TRAPPC9: variants seen among roughly 807,000 people sequenced by gnomAD.
TRAPPC9 encodes the protein IKK2 binding protein.
TRAPPC9 carries 83 observed loss-of-function variants against 124.0 expected under a neutral mutation model. The observed-to-expected ratio is 0.67, with a 90% confidence interval of 0.56 to 0.80. The LOEUF is 0.80. Ranked by LOEUF, TRAPPC9 falls within the 30% of genes least tolerant of loss-of-function variation. The probability of loss-of-function intolerance (pLI) is 0.00; values close to 1 mark genes in which losing one functional copy is unlikely to be tolerated. For synonymous variants in TRAPPC9, 638 were observed against 617.5 expected (o/e 1.03, Z -0.49); for missense variants, 1,302 against 1,508.3 (o/e 0.86, Z 2.27).
intron 5 of TRAPPC9, among the ~76,000 whole-genome samples, chr8:140,415,112 A>G (rs2319830): frequency 0.59 from 90,116 of 151,962 alleles, 27,061 homozygotes; most frequent in Middle Eastern, 0.7. Context: ...TTGGGAGGCG[A>G]AAGCAGGAGG....
chr8:139,941,157 G>A (rs1414828678), intron 19 of TRAPPC9, among the ~76,000 whole-genome samples: 5 of 152,230 alleles, frequency 3.3e-5, no homozygotes, highest in East Asian at 3.8e-4. Flanking sequence ...GGGCAGGCAC[G>A]ATTGGCTAGT....
At chr8:140,249,761 G>A (rs143518576) in intron 16 of TRAPPC9, among the ~76,000 whole-genome samples, 3,588 of 151,738 alleles carry the variant, frequency 0.024, 135 homozygotes, top group African/African-American at 0.081. Flanking sequence ...CCGCCACCAC[G>A]CCCGGCTAAT....
chr8:139,797,766 T>C (rs1823204214), intron 21 of TRAPPC9, among the ~76,000 whole-genome samples: 1 of 152,252 alleles, frequency 6.6e-6, no homozygotes, highest in Non-Finnish European at 1.5e-5. Flanking sequence ...ATTCTTTCTC[T>C]ATTGAACTGT....
In TRAPPC9 at chr8:140,257,902, T is replaced by C. The variant is rs1325514473; in HGVS notation, c.2279-4973A>G. Among the ~76,000 whole-genome samples the C allele has an allele frequency of 6.6e-6, 1 of 152,174 alleles. No individual in the cohort carries two copies. The highest frequency in any genetic ancestry group is 2.4e-5 in the African/African-American group (1 of 41,426). On this transcript the variant is annotated intron_variant, in intron 15 of 22. Transcript: ENST00000438773. The surrounding 1 kb of genome is among the most constrained non-coding windows in gnomAD (Gnocchi z 4.6). ...TTTGTAGCTCTCACTGGGATGTGCA[T>C]GTGAGGAGAACTGCATCACTGTCCT...
At position 140,426,631 on chromosome 8, in the gene TRAPPC9, T is replaced by C. The variant is rs2070432159; in HGVS notation, c.870A>G (p.Glu290=). ...AANRHRPGAQ[E]VLIDPGALTT... is the part of the protein sequence containing the mutation. ...ATCATGTACCTGGATCAATGAGAAC[T>C]TCCTGTGCCCCTGGAAGAAAGAACA... Residue 290 remains glutamate (E), a synonymous_variant, in exon 5 of 23, where the codon GAA becomes GAG. Coordinates refer to ENST00000438773, the MANE Select transcript of TRAPPC9 (RefSeq NM_001160372.4). 1.2e-6 allele frequency: 2 copies of C among 1,613,966 alleles called. No individual in the cohort carries two copies. The highest frequency in any genetic ancestry group is 1.6e-4 in the Middle Eastern group (1 of 6,062).
At chr8:140,334,096 TCTC>T (rs2066969991) in intron 9 of TRAPPC9, among the ~76,000 whole-genome samples, 1 of 152,182 alleles carries the variant, frequency 6.6e-6, no homozygotes, top group East Asian at 1.9e-4. Context: ...GCCTTCTACT[TCTC>T]CACCACAATC....
At chr8:139,777,568 G>A (rs1456011427) in intron 21 of TRAPPC9, among the ~76,000 whole-genome samples, 3 of 152,226 alleles carry the variant, frequency 2.0e-5, no homozygotes, top group Admixed American at 6.5e-5. Context: ...ATTCTAGATC[G>A]TGTATTCATC....
chr8:139,822,627 G>A (rs10107436), intron 21 of TRAPPC9, among the ~76,000 whole-genome samples: 1 of 151,958 alleles, frequency 6.6e-6, no homozygotes, highest in African/African-American at 2.4e-5. Context: ...AGGATGGCGG[G>A]GGGGGGCTGC....
At chr8:139,791,938 C>T (rs372641674) in intron 21 of TRAPPC9, among the ~76,000 whole-genome samples, 66 of 152,302 alleles carry the variant, frequency 4.3e-4, no homozygotes, top group African/African-American at 1.5e-3. Context: ...ACAAGGATTC[C>T]ACCATCACTG....
chr8:140,346,125 A>G (rs963897956), intron 9 of TRAPPC9, among the ~76,000 whole-genome samples: 1 of 152,220 alleles, frequency 6.6e-6, no homozygotes. Context: ...GCAAGGTAGG[A>G]TGGCACCAAA....
chr8:140,426,574 A>G lies in TRAPPC9; in HGVS notation c.886+41T>C, dbSNP rs747522599. The G allele has an allele frequency of 1.0e-4, 160 of 1,596,922 alleles. 5 individuals carry two copies. The South Asian group carries it at 1.7e-3, about 17-fold the overall frequency. ...TCACATCACCATGAAACAAGCACTT[A>G]AAAAAATAACCAAAAGAAACTAAAC... On this transcript the variant is annotated intron_variant, in intron 5 of 22. Transcript: ENST00000438773.
chr8:139,780,452 G>C (rs1821726397), intron 21 of TRAPPC9, among the ~76,000 whole-genome samples: 1 of 152,164 alleles, frequency 6.6e-6, no homozygotes, highest in African/African-American at 2.4e-5. Context: ...AACAAATGGT[G>C]CTGGAACAAC....
At chr8:140,000,215 G>T (rs1411952102) in intron 18 of TRAPPC9, among the ~76,000 whole-genome samples, 6 of 152,072 alleles carry the variant, frequency 3.9e-5, no homozygotes, top group African/African-American at 9.7e-5. Flanking sequence ...TCCTTACACT[G>T]TATAAAAAAA....
intron 5 of TRAPPC9, among the ~76,000 whole-genome samples, chr8:140,424,151 TTTG>T (rs1163846193): frequency 7.3e-5 from 11 of 151,428 alleles, no homozygotes; most frequent in African/African-American, 2.2e-4. Context: ...TGTTTGTTTG[TTTG>T]TTTTTTTAAA....
At chr8:140,025,946 C>T (rs537254563) in intron 17 of TRAPPC9, among the ~76,000 whole-genome samples, 2 of 152,268 alleles carry the variant, frequency 1.3e-5, no homozygotes, top group African/African-American at 4.8e-5. Context: ...CCATTTCCGT[C>T]CCCAGAACTA....
chr8:139,834,470 G>T (rs1281957118), intron 21 of TRAPPC9, among the ~76,000 whole-genome samples: 1 of 152,248 alleles, frequency 6.6e-6, no homozygotes, highest in South Asian at 2.1e-4. Context: ...TCTGAGGAAG[G>T]GGGGCGGGCA....
Position 139,729,059 on chromosome 8 carries a change from G to A in TRAPPC9, c.*2002C>T, listed in dbSNP as rs2129897600. 6.6e-6 allele frequency among the ~76,000 whole-genome samples: 1 copy of A among 152,238 alleles called. No homozygotes were observed. ...GTAGCTATGTGTGTACCTGTATCTT[G>A]ATCTATTGTGCTTTTGAAAGGAAAG... On this transcript the variant is annotated 3_prime_UTR_variant, in exon 23 of 23. Coordinates refer to ENST00000438773, the MANE Select transcript of TRAPPC9 (RefSeq NM_001160372.4).
Position 139,731,857 on chromosome 8 carries a change from C to T in TRAPPC9, c.3279+122G>A, listed in dbSNP as rs1817844389. 4.3e-6 allele frequency: 4 copies of T among 934,724 alleles called. No homozygotes were observed. The African/African-American group carries it at 6.5e-5, about 15-fold the overall frequency. 57.9% of individuals were successfully genotyped at this position (934,724 alleles called of 1,614,324 possible). ...CAGACTCAGTGTGCACACGTGACCACAGAACCCCTGCTGCTATCGTCTGCT... is the reference window on the plus strand; with the variant it reads ...CAGACTCAGTGTGCACACGTGACCATAGAACCCCTGCTGCTATCGTCTGCT... On this transcript the variant is annotated intron_variant, in intron 22 of 22. Transcript: ENST00000438773.
chr8:140,456,676 G>T (rs1244079455), intron 1 of TRAPPC9: 1 of 487,480 alleles, frequency 2.1e-6, no homozygotes, highest in Non-Finnish European at 2.7e-6. Context: ...CATCCACCCG[G>T]TGCTTTGTTT....
Sources: gnomAD v4.1 joint callset for allele counts (sites outside exome capture counted in the v4.1 genomes callset) on GRCh38, gnomAD v4.1.1 for gene constraint, Gnocchi (gnomAD v3.1) non-coding constraint, MANE v1.5 for transcripts, NCBI Gene and HGNC (gene_info 2026-07-23, HGNC 2026-07-21) for gene names.